The following ABI3BP variants were observed in gnomAD, a reference collection of about 807,000 sequenced individuals.
The protein encoded by ABI3BP is target of Nesh-SH3.
Under a neutral mutation model 268.6 loss-of-function variants are expected in ABI3BP, and 216 were observed. That is an observed-to-expected ratio of 0.80 (90% CI 0.72 to 0.90). The LOEUF (loss-of-function observed/expected upper bound fraction) is 0.90, where lower values mean the gene tolerates loss of function less well. Ranked by LOEUF, ABI3BP falls within the 40% of genes least tolerant of loss-of-function variation. ABI3BP has a pLI of 0.00. For missense variants in ABI3BP, 2,090 were observed against 2,182.4 expected (o/e 0.96, Z 0.84); for synonymous variants, 730 against 730.0 (o/e 1.00, Z 0.00).
intron 1 of ABI3BP, among the ~76,000 whole-genome samples, chr3:100,946,652 G>C (rs1055454410): frequency 1.3e-5 from 2 of 151,964 alleles, no homozygotes; most frequent in Non-Finnish European, 2.9e-5. Flanking sequence ...ACTGGGCGTG[G>C]TGGTGCATGC....
intron 47 of ABI3BP, 118 bp from the exon 48 acceptor site, chr3:100,811,395 AT>A: frequency 1.4e-6 from 1 of 735,288 alleles, no homozygotes; most frequent in Non-Finnish European, 2.1e-6. Context: ...AGGACAATGG[AT>A]TTAGACAGGA....
rs576114198 is a variant in ABI3BP at position 100,840,158 on chromosome 3, C to T, written c.1811G>A (p.Arg604Gln). Reference protein sequence around the residue: ...GTKPSTTLAPRKTKRPGRRPR... With the variant: ...GTKPSTTLAPQKTKRPGRRPR... Reference sequence around the variant, plus strand: ...GCGACGACCTGGTCTTTTGGTCTTTCGTGGTGCTGAAGAAAGAAAATTAGC... The same window carrying T: ...GCGACGACCTGGTCTTTTGGTCTTTTGTGGTGCTGAAGAAAGAAAATTAGC... The change falls in exon 23 of 68, where the codon CGA (arginine) becomes CAA (glutamine). Residue 604 changes from arginine (R) to glutamine (Q), a missense_variant. Coordinates refer to ENST00000471714, the MANE Select transcript of ABI3BP (RefSeq NM_001375547.2). The T allele has an allele frequency of 5.9e-6, 9 of 1,530,522 alleles. No individual in the cohort carries two copies. In the Admixed American group the frequency reaches 6.0e-5, roughly 10 times the overall value. 94.8% of individuals were successfully genotyped at this position (1,530,522 alleles called of 1,614,324 possible). A position where few individuals can be genotyped will look rare whatever the true frequency, so the allele number is the denominator to read the frequency against.
intron 1 of ABI3BP, among the ~76,000 whole-genome samples, chr3:100,937,235 A>G (rs2066566905): frequency 6.6e-6 from 1 of 152,080 alleles, no homozygotes; most frequent in Non-Finnish European, 1.5e-5. Context: ...TGGAACCTTC[A>G]TACATTTTGA....
intron 62 of ABI3BP, among the ~76,000 whole-genome samples, chr3:100,769,209 G>A (rs565576851): frequency 3.9e-5 from 6 of 152,216 alleles, no homozygotes; most frequent in South Asian, 2.1e-4. Flanking sequence ...GTTTAAATAC[G>A]GACTAGGTGA....
chr3:100,863,746 G>T, intron 12 of ABI3BP: 1 of 421,002 alleles, frequency 2.4e-6, no homozygotes, highest in Non-Finnish European at 4.3e-6. Context: ...ATACAGAAAT[G>T]ATCAATTTGT....
intron 33 of ABI3BP, among the ~76,000 whole-genome samples, chr3:100,828,671 A>G (rs1157853755): frequency 6.6e-6 from 1 of 152,158 alleles, no homozygotes; most frequent in African/African-American, 2.4e-5. Context: ...CAGATAATTC[A>G]GATAACGGTC....
Position 100,894,795 on chromosome 3 carries a change from T to C in ABI3BP, c.461+3967A>G, listed in dbSNP as rs539190845. Among the ~76,000 whole-genome samples, 81 of 151,496 alleles carry C rather than the reference T, an allele frequency of 5.3e-4. 2 individuals carry two copies. The South Asian group carries it at 6.1e-3, about 11-fold the overall frequency. On this transcript the variant is annotated intron_variant, in intron 4 of 67. Coordinates refer to ENST00000471714, the MANE Select transcript of ABI3BP (RefSeq NM_001375547.2). ...TGTACTAAAAATACAAAAAATTAGC[T>C]AGGCATGGTGGCCGGTGCCTGTAGT...
In ABI3BP at chr3:100,834,668, A is replaced by G. The variant is rs2098548496; in HGVS notation, c.2281+16T>C. 6.5e-7 allele frequency: 1 copy of G among 1,534,220 alleles called. No homozygotes were observed. The highest frequency in any genetic ancestry group is 1.2e-5 in the South Asian group (1 of 84,020). ...CAATGGGATGCCACAGGGACAAGGA[A>G]CCACATATTATTTACCTAGTTTGGT... On this transcript the variant is annotated intron_variant, in intron 29 of 67. Coordinates refer to ENST00000471714, the MANE Select transcript of ABI3BP (RefSeq NM_001375547.2).
At chr3:100,853,273 T>C (rs2098886549) in intron 14 of ABI3BP, among the ~76,000 whole-genome samples, 2 of 152,234 alleles carry the variant, frequency 1.3e-5, no homozygotes, top group African/African-American at 4.8e-5. Flanking sequence ...ATTCTGAGAA[T>C]GCATCTATTA....
chr3:100,822,619 G>T lies in ABI3BP; in HGVS notation c.2857C>A (p.Pro953Thr), dbSNP rs1224106245. ...TTGGATTCAGGTGCTTCAGGACGTG[G>T]TGTGGTTTTTGTTCTGAGACGTGGA... ...RRPRLRTKTT[P>T]RPEAPESKPV... Residue 953 changes from proline to threonine, a missense_variant, in exon 38 of 68, where the codon CCA (proline) becomes ACA (threonine). By Grantham distance (38) the Pro-to-Thr change is conservative (BLOSUM62 -1). Transcript: ENST00000471714. 1.3e-6 allele frequency: 2 copies of T among 1,536,614 alleles called. No homozygotes were observed. The highest frequency in any genetic ancestry group is 2.4e-5 in the South Asian group (2 of 84,052).
chr3:100,790,305 C>T (rs189568271), intron 55 of ABI3BP, among the ~76,000 whole-genome samples: 73 of 152,110 alleles, frequency 4.8e-4, no homozygotes, highest in Non-Finnish European at 7.8e-4. Flanking sequence ...TGGAATTCAT[C>T]TATTCCATGC....
At chr3:100,918,359 T>C (rs2059317017) in intron 2 of ABI3BP, among the ~76,000 whole-genome samples, 1 of 149,792 alleles carries the variant, frequency 6.7e-6, no homozygotes, top group South Asian at 2.1e-4. Flanking sequence ...CACTCATCTA[T>C]TCCTTTATTG....
chr3:100,984,614 A>C (rs1332887994), intron 1 of ABI3BP, among the ~76,000 whole-genome samples: 1 of 152,174 alleles, frequency 6.6e-6, no homozygotes, highest in Admixed American at 6.5e-5. Context: ...AATCACTGTA[A>C]ATATATGTCA....
chr3:100,888,757 A>C (rs940931825), intron 4 of ABI3BP, among the ~76,000 whole-genome samples: 2 of 151,942 alleles, frequency 1.3e-5, no homozygotes, highest in African/African-American at 2.4e-5. Context: ...TGTCCTTTTC[A>C]ACACTGTCTC....
intron 49 of ABI3BP, among the ~76,000 whole-genome samples, 189 bp downstream of exon 49, chr3:100,810,223 A>G (rs1476051642): frequency 6.6e-6 from 1 of 152,090 alleles, no homozygotes; most frequent in African/African-American, 2.4e-5. Flanking sequence ...GTATTTTTCA[A>G]CCATATCCTA....
chr3:100,877,538 C>T (rs190451714), intron 6 of ABI3BP, among the ~76,000 whole-genome samples: 5 of 152,264 alleles, frequency 3.3e-5, no homozygotes, highest in Admixed American at 2.0e-4. Flanking sequence ...GAGGTTCTGA[C>T]GTCATAAAGT....
Position 100,774,619 on chromosome 3 carries a change from T to C in ABI3BP, c.4517A>G (p.Lys1506Arg). Residue 1506 changes from lysine to arginine, a missense_variant, in exon 61 of 68, where the codon AAG (lysine) becomes AGG (arginine). By Grantham distance (26) the Lys-to-Arg change is conservative. Transcript: ENST00000471714. ...SPTRETDPLGKPRFKGPHVRY... is the reference protein window; with the variant it reads ...SPTRETDPLGRPRFKGPHVRY... ...GTCATACATACCTTTGAATCTTGGC[T>C]TCCCAAGAGGATCAGTTTCTCTTGT... The C allele has an allele frequency of 6.3e-7, 1 of 1,583,356 alleles. No individual in the cohort carries two copies. Among genetic ancestry groups the C allele is most frequent in the South Asian group, 1.2e-5 (1 of 85,350 alleles).
intron 1 of ABI3BP, among the ~76,000 whole-genome samples, chr3:100,927,183 G>A (rs370566434): frequency 1.3e-5 from 2 of 152,116 alleles, no homozygotes; most frequent in Non-Finnish European, 2.9e-5. Context: ...AGAATGAGAA[G>A]AGAGACCTTA....
chr3:100,846,142 T>C (rs1177019516), intron 20 of ABI3BP, among the ~76,000 whole-genome samples: 1 of 152,210 alleles, frequency 6.6e-6, no homozygotes, highest in Non-Finnish European at 1.5e-5. Context: ...ATCATTCATA[T>C]CATTACATTT....
Sources: allele counts gnomAD v4.1 joint callset (sites outside exome capture counted in the v4.1 genomes callset), GRCh38; gene constraint gnomAD v4.1.1; transcripts MANE v1.5; gene names NCBI Gene and HGNC (gene_info 2026-07-23, HGNC 2026-07-21).